SLCO3A1: variants seen among roughly 807,000 people sequenced by gnomAD.
SLCO3A1 encodes the protein PGE1 transporter.
In SLCO3A1, 27 loss-of-function variants were observed where a neutral mutation model predicts 63.1. The ratio of observed to expected loss-of-function variants is 0.43; its 90% CI spans 0.32 to 0.59. The LOEUF (loss-of-function observed/expected upper bound fraction) is 0.59, where lower values mean the gene tolerates loss of function less well. Among genes scored for constraint, SLCO3A1 ranks in the 20% least tolerant of loss-of-function variants. The pLI is 0.09. For synonymous variants in SLCO3A1, 473 were observed against 409.9 expected (o/e 1.15, Z -1.86); for missense variants, 773 against 945.8 (o/e 0.82, Z 2.40).
chr15:92,064,673 A>G lies in SLCO3A1; in HGVS notation c.647-30208A>G, dbSNP rs972160956. ...AATAAAGAAAATGTGATACATAGAC[A>G]CAATGGAATATTATTCAGCCAAAAA... is the stretch of plus-strand genomic sequence containing the variant. On this transcript the variant is annotated intron_variant, in intron 2 of 9. Transcript: ENST00000318445. Among the ~76,000 whole-genome samples, 9 of 152,392 alleles carry G rather than the reference A, an allele frequency of 5.9e-5. No homozygotes were observed. The East Asian group carries it at 1.5e-3, about 26-fold the overall frequency.
At chr15:92,140,715 T>A (rs1291015897) in intron 7 of SLCO3A1, among the ~76,000 whole-genome samples, 2 of 152,204 alleles carry the variant, frequency 1.3e-5, no homozygotes, top group African/African-American at 2.4e-5. Flanking sequence ...GTTGAATTGA[T>A]CCCTTTACCA....
In SLCO3A1 at chr15:91,927,916, C is replaced by T. The variant is rs185132991; in HGVS notation, c.646+11458C>T. 2.1e-3 allele frequency among the ~76,000 whole-genome samples: 317 copies of T among 152,308 alleles called. 1 individual carries two copies. The highest frequency in any genetic ancestry group is 4.6e-3 in the Admixed American group (70 of 15,302). On this transcript the variant is annotated intron_variant, in intron 2 of 9. Coordinates refer to ENST00000318445, the MANE Select transcript of SLCO3A1 (RefSeq NM_013272.4). ...TTAGATCTAAATCATTTCGCCAACC[C>T]TGGCCTCAGGCTGTACATTTGTATC...
rs149465350 is a variant in SLCO3A1 at position 91,930,080 on chromosome 15, T to C, written c.646+13622T>C. ...CCTAAGGTGTGTTAAACTCAGTAAATCCATAATTCATCTCTTTAATTTTCT... is the reference window on the plus strand; with the variant it reads ...CCTAAGGTGTGTTAAACTCAGTAAACCCATAATTCATCTCTTTAATTTTCT... On this transcript the variant is annotated intron_variant, in intron 2 of 9. Transcript: ENST00000318445. Among the ~76,000 whole-genome samples the C allele has an allele frequency of 1.9e-3, 284 of 152,258 alleles. 1 individual carries two copies. Among genetic ancestry groups the C allele is most frequent in the African/African-American group, 6.5e-3 (271 of 41,534 alleles).
At chr15:92,151,204 G>T (rs971538565) in intron 9 of SLCO3A1, 190 bp downstream of exon 9, 3 of 551,120 alleles carry the variant, frequency 5.4e-6, no homozygotes, top group Non-Finnish European at 9.5e-6. Context: ...TCGATATCAC[G>T]AAGTTCTCAT....
rs1026800420 is a variant in SLCO3A1 at position 91,968,590 on chromosome 15, C to T, written c.646+52132C>T. 6.6e-6 allele frequency among the ~76,000 whole-genome samples: 1 copy of T among 152,126 alleles called. No homozygotes were observed. The highest frequency in any genetic ancestry group is 1.5e-5 in the Non-Finnish European group (1 of 68,032). ...CTAACAAAGGAAGTTCCATCACAGACAAGGAGTGAGAAGAAGCCAGGGTAG... is the reference window on the plus strand; with the variant it reads ...CTAACAAAGGAAGTTCCATCACAGATAAGGAGTGAGAAGAAGCCAGGGTAG... On this transcript the variant is annotated intron_variant, in intron 2 of 9. Coordinates refer to ENST00000318445, the MANE Select transcript of SLCO3A1 (RefSeq NM_013272.4). This position sits in a 1 kb window ranked among gnomAD's most constrained non-coding sequence, Gnocchi z 4.2.
At chr15:91,962,732 A>T (rs1476511506) in intron 2 of SLCO3A1, among the ~76,000 whole-genome samples, 1 of 152,110 alleles carries the variant, frequency 6.6e-6, no homozygotes, top group Admixed American at 6.5e-5. Context: ...CCCCAGCAGC[A>T]CACCAGATGC....
Position 92,163,751 on chromosome 15 carries a change from C to A in SLCO3A1, c.*616C>A, listed in dbSNP as rs866986854. ...CACCCAGTCTGCATGTGGTTCAAGG[C>A]CCCAGAGTTCTCTCAGTGATGCTAA... is the stretch of plus-strand genomic sequence containing the variant. On this transcript the variant is annotated 3_prime_UTR_variant, in exon 10 of 10. Transcript: ENST00000318445. The A allele has an allele frequency of 2.0e-6, 2 of 985,300 alleles. No homozygotes were observed. The highest frequency in any genetic ancestry group is 2.4e-6 in the Non-Finnish European group (2 of 830,004). The allele number at this position is 985,300 out of a possible 1,614,324, so 61.0% of individuals were successfully genotyped here.
chr15:92,085,706 C>T (rs1238671359), intron 2 of SLCO3A1, among the ~76,000 whole-genome samples: 2 of 152,196 alleles, frequency 1.3e-5, no homozygotes, highest in African/African-American at 4.8e-5. Context: ...AATAAATACC[C>T]ATGAAGTCTA....
intron 5 of SLCO3A1, among the ~76,000 whole-genome samples, chr15:92,123,717 A>G (rs530889212): frequency 6.6e-6 from 1 of 152,216 alleles, no homozygotes; most frequent in Non-Finnish European, 1.5e-5. Context: ...TGAAGAGTTT[A>G]TCTCTCACCT....
intron 2 of SLCO3A1, among the ~76,000 whole-genome samples, chr15:91,939,170 C>T (rs1469831950): frequency 3.3e-5 from 5 of 152,100 alleles, no homozygotes; most frequent in Non-Finnish European, 7.4e-5. Flanking sequence ...TGGGAAGCTT[C>T]CAATCATGGT....
At chr15:91,976,677 G>A (rs944490461) in intron 2 of SLCO3A1, among the ~76,000 whole-genome samples, 1 of 152,048 alleles carries the variant, frequency 6.6e-6, no homozygotes, top group Non-Finnish European at 1.5e-5. Context: ...AGAAATAAAG[G>A]GACAGAGTAC....
In SLCO3A1 at chr15:92,033,060, C is replaced by G. The variant is rs190152340; in HGVS notation, c.647-61821C>G. Among the ~76,000 whole-genome samples, 1 of 152,020 alleles carries G rather than the reference C, an allele frequency of 6.6e-6. No individual in the cohort carries two copies. The highest frequency in any genetic ancestry group is 1.5e-5 in the Non-Finnish European group (1 of 68,022). On this transcript the variant is annotated intron_variant, in intron 2 of 9. Transcript: ENST00000318445. This position sits in a 1 kb window ranked among gnomAD's most constrained non-coding sequence, Gnocchi z 4.5. ...TTAGCACTTAGAGCATGGATCAGAG[C>G]AAGGTATGTACAGGAAACTTTGTGA...
At chr15:91,947,127 G>A (rs1899834447) in intron 2 of SLCO3A1, among the ~76,000 whole-genome samples, 1 of 152,202 alleles carries the variant, frequency 6.6e-6, no homozygotes, top group Non-Finnish European at 1.5e-5. Flanking sequence ...TGAGAGGGCT[G>A]TGGAGGGCAG....
rs527350112 is a variant in SLCO3A1 at position 92,003,945 on chromosome 15, G to A, written c.646+87487G>A. On this transcript the variant is annotated intron_variant, in intron 2 of 9. Transcript: ENST00000318445. ...AGAAGGGCCATGCTCACACTGCTCAGCAGCTGTAGCTGTCAGCCTCTATCA... is the reference window on the plus strand; with the variant it reads ...AGAAGGGCCATGCTCACACTGCTCAACAGCTGTAGCTGTCAGCCTCTATCA... 2.6e-5 allele frequency among the ~76,000 whole-genome samples: 4 copies of A among 152,340 alleles called. No homozygotes were observed. The East Asian group carries it at 7.7e-4, about 29-fold the overall frequency.
rs1236943488 is a variant in SLCO3A1 at position 92,163,367 on chromosome 15, G to A, written c.*232G>A. On this transcript the variant is annotated 3_prime_UTR_variant, in exon 10 of 10. Transcript: ENST00000318445. ...CGGCAGGGTCCTGGAGGCCACTTGC[G>A]CGGCTGGGCCACAGAGTCTACTTTG... is the stretch of plus-strand genomic sequence containing the variant. 5 of 1,155,866 alleles carry A rather than the reference G, an allele frequency of 4.3e-6. No homozygotes were observed. The highest frequency in any genetic ancestry group is 3.2e-5 in the African/African-American group (2 of 62,684). The allele number at this position is 1,155,866 out of a possible 1,614,324, so 71.6% of individuals were successfully genotyped here.
At chr15:92,087,516 ATTTTTTTTTTTTTTT>A (rs34074469) in intron 2 of SLCO3A1, among the ~76,000 whole-genome samples, 1 of 121,768 alleles carries the variant, frequency 8.2e-6, no homozygotes, top group Non-Finnish European at 1.7e-5. Flanking sequence ...ATTATCTATT[ATTTTTTTTTTTTTTT>A]TTTTGAGCTG....
chr15:92,020,050 C>T (rs2046488820), intron 2 of SLCO3A1, among the ~76,000 whole-genome samples: 1 of 152,170 alleles, frequency 6.6e-6, no homozygotes. Context: ...TGACCATTCT[C>T]TTCCCCTGAA....
At chr15:92,158,384 T>G (rs2048397529) in intron 9 of SLCO3A1, among the ~76,000 whole-genome samples, 1 of 152,152 alleles carries the variant, frequency 6.6e-6, no homozygotes, top group Non-Finnish European at 1.5e-5. Context: ...GGAAGGAGAT[T>G]ATTGGGTTTG....
intron 2 of SLCO3A1, among the ~76,000 whole-genome samples, chr15:92,004,985 C>T (rs1163814002): frequency 6.6e-6 from 1 of 152,198 alleles, no homozygotes; most frequent in African/African-American, 2.4e-5. Flanking sequence ...GCCTCTGAAA[C>T]TCTCTTATTG....
Sources: allele counts gnomAD v4.1 joint callset (sites outside exome capture counted in the v4.1 genomes callset), GRCh38; gene constraint gnomAD v4.1.1; non-coding constraint Gnocchi (gnomAD v3.1); transcripts MANE v1.5; gene names NCBI Gene and HGNC (gene_info 2026-07-23, HGNC 2026-07-21).